ODAD2: variants seen among roughly 807,000 people sequenced by gnomAD.
The protein encoded by ODAD2 is outer dynein arm-docking complex subunit 2.
ODAD2 carries 89 observed loss-of-function variants against 106.8 expected under a neutral mutation model. The ratio of observed to expected loss-of-function variants is 0.83; its 90% CI spans 0.70 to 0.99. ODAD2 has a LOEUF of 0.99. Among genes scored for constraint, ODAD2 ranks in the 50% least tolerant of loss-of-function variants. The pLI, the probability that ODAD2 is intolerant of heterozygous loss-of-function variation, is 0.00. For synonymous variants in ODAD2, 404 were observed against 436.2 expected (o/e 0.93, Z 0.92); for missense variants, 1,168 against 1,238.5 (o/e 0.94, Z 0.85).
At chr10:27,822,854 C>T (rs570161603) in intron 19 of ODAD2, among the ~76,000 whole-genome samples, 1 of 152,280 alleles carries the variant, frequency 6.6e-6, no homozygotes, top group East Asian at 1.9e-4. Context: ...GGATCCAGTG[C>T]TCTTTCTGTG....
chr10:27,872,490 G>T (rs1169869272), intron 17 of ODAD2, among the ~76,000 whole-genome samples: 2 of 151,920 alleles, frequency 1.3e-5, no homozygotes, highest in East Asian at 3.9e-4. Flanking sequence ...TTGGCTGTGG[G>T]TTTGTCATAA....
At chr10:27,898,757 G>A (rs977207015) in intron 17 of ODAD2, among the ~76,000 whole-genome samples, 12 of 151,928 alleles carry the variant, frequency 7.9e-5, no homozygotes, top group East Asian at 1.9e-4. Context: ...TGATATTGAC[G>A]AATACATTGC....
chr10:27,963,673 CA>C (rs1315709351), intron 9 of ODAD2, among the ~76,000 whole-genome samples: 1 of 149,010 alleles, frequency 6.7e-6, no homozygotes, highest in African/African-American at 2.6e-5. Flanking sequence ...TCCTCTCATT[CA>C]GTGTGAATAT....
intron 1 of ODAD2, chr10:27,995,702 C>T (rs1380170552): frequency 6.6e-6 from 1 of 152,572 alleles, no homozygotes; most frequent in African/African-American, 2.4e-5. Flanking sequence ...ATTCTGGTAG[C>T]TCTGGTTTCC....
intron 19 of ODAD2, among the ~76,000 whole-genome samples, chr10:27,844,061 G>A (rs1838520023): frequency 6.6e-6 from 1 of 152,112 alleles, no homozygotes; most frequent in African/African-American, 2.4e-5. Context: ...AGCCAGGTAT[G>A]CTGACATGCA....
rs201013122 is a variant in ODAD2, at chr10:27,829,109, GA to G, written c.3022-16485del. On this transcript the variant is annotated intron_variant, in intron 19 of 19. Coordinates refer to ENST00000305242, the MANE Select transcript of ODAD2 (RefSeq NM_018076.5). ...GAGATGAAGCCAGAGAATTAAAAAG[GA>G]AAAAAAAAGAAACAAAATCCTTTTG... 6.0e-5 allele frequency among the ~76,000 whole-genome samples: 9 copies of G among 149,764 alleles called. No homozygotes were observed. The East Asian group carries it at 1.4e-3, about 23-fold the overall frequency.
At chr10:27,917,137 G>A (rs1416970451) in intron 16 of ODAD2, among the ~76,000 whole-genome samples, 1 of 152,112 alleles carries the variant, frequency 6.6e-6, no homozygotes, top group Non-Finnish European at 1.5e-5. Flanking sequence ...CCAGACAGCT[G>A]AGTCATAAAG....
At position 27,935,045 on chromosome 10, in the gene ODAD2, T is replaced by C; in HGVS notation, c.2460A>G (p.Ala820=). The part of the protein sequence containing the change: ...NQALLVNVTK[A]VGACAVEPES... ...CAGGTTCTACTGCACAAGCACCAAC[T>C]GCTTTTGTAACATTCACAAGAAGAG... Residue 820 remains alanine (A), a synonymous_variant, in exon 16 of 20, where the codon GCA becomes GCG. Coordinates refer to ENST00000305242, the MANE Select transcript of ODAD2 (RefSeq NM_018076.5). The C allele has an allele frequency of 6.2e-7, 1 of 1,614,004 alleles. No homozygotes were observed.
chr10:27,987,674 AG>A, intron 2 of ODAD2, 131 bp from the exon 3 acceptor site: 1 of 573,892 alleles, frequency 1.7e-6, no homozygotes, highest in African/African-American at 1.9e-5. Context: ...ACATCTGGTT[AG>A]TAGCTCATCT....
At chr10:27,838,018 T>C (rs529024372) in intron 19 of ODAD2, among the ~76,000 whole-genome samples, 339 of 152,306 alleles carry the variant, frequency 2.2e-3, no homozygotes, top group African/African-American at 7.8e-3. Context: ...GAATCTAAGA[T>C]TTTTGTATTT....
intron 19 of ODAD2, among the ~76,000 whole-genome samples, chr10:27,823,261 A>G (rs1484666643): frequency 6.6e-6 from 1 of 152,238 alleles, no homozygotes; most frequent in East Asian, 1.9e-4. Flanking sequence ...AGAATGCTAA[A>G]GAAATAATAG....
chr10:27,978,424 C>G (rs1457920922), intron 7 of ODAD2, among the ~76,000 whole-genome samples: 2 of 152,158 alleles, frequency 1.3e-5, no homozygotes, highest in African/African-American at 4.8e-5. Flanking sequence ...TCTCTAACAT[C>G]CGAATCCTCA....
At chr10:27,887,351 G>A (rs1192342115) in intron 17 of ODAD2, among the ~76,000 whole-genome samples, 2 of 151,936 alleles carry the variant, frequency 1.3e-5, no homozygotes, top group African/African-American at 4.8e-5. Context: ...AATAAATGAA[G>A]CAAACATTGA....
chr10:27,899,719 C>T (rs1843071754), intron 17 of ODAD2, among the ~76,000 whole-genome samples: 1 of 152,198 alleles, frequency 6.6e-6, no homozygotes, highest in South Asian at 2.1e-4. Flanking sequence ...TGGGCGGAGC[C>T]CACCACAGCT....
chr10:27,827,739 C>A (rs1163079533), intron 19 of ODAD2, among the ~76,000 whole-genome samples: 7 of 152,130 alleles, frequency 4.6e-5, no homozygotes, highest in Admixed American at 4.6e-4. Context: ...ATTCTCAAAC[C>A]AGAGTAACTT....
chr10:27,882,227 A>AAGAG (rs941284868), intron 17 of ODAD2, among the ~76,000 whole-genome samples: 2 of 150,906 alleles, frequency 1.3e-5, no homozygotes, highest in African/African-American at 4.9e-5. Context: ...GAAAGAAAGA[A>AAGAG]AGAAAGAAAT....
chr10:27,842,512 T>A (rs1452498193), intron 19 of ODAD2, among the ~76,000 whole-genome samples: 1 of 152,148 alleles, frequency 6.6e-6, no homozygotes, highest in Non-Finnish European at 1.5e-5. Flanking sequence ...GGGAATGGAG[T>A]GGATAACTAT....
In ODAD2 at chr10:27,820,777, CTTTTTTTTTTT is replaced by C. The variant is rs72095120; in HGVS notation, c.3022-8163_3022-8153del. ...CAATTAAACCAATGAAGCCCAGCAA[CTTTTTTTTTTT>C]TTTTTTTTTTTTTGATGGAGTTTTC... On this transcript the variant is annotated intron_variant, in intron 19 of 19. Transcript: ENST00000305242. Among the ~76,000 whole-genome samples the C allele has an allele frequency of 1.1e-4, 12 of 105,552 alleles. No homozygotes were observed. The East Asian group carries it at 2.2e-3, about 20-fold the overall frequency. 69.2% of individuals were successfully genotyped at this position (105,552 alleles called of 152,430 possible). A position where few individuals can be genotyped will look rare whatever the true frequency, so the allele number is the denominator to read the frequency against.
intron 19 of ODAD2, among the ~76,000 whole-genome samples, chr10:27,855,445 G>C (rs1309446524): frequency 2.6e-5 from 4 of 151,982 alleles, no homozygotes; most frequent in Admixed American, 2.6e-4. Flanking sequence ...ATATCACCTA[G>C]TAAACTCTTC....
Sources: gnomAD v4.1 joint callset for allele counts (sites outside exome capture counted in the v4.1 genomes callset) on GRCh38, gnomAD v4.1.1 for gene constraint, MANE v1.5 for transcripts, NCBI Gene and HGNC (gene_info 2026-07-23, HGNC 2026-07-21) for gene names.